The following SARNP variants were observed in gnomAD, a reference collection of about 807,000 sequenced individuals.
SARNP encodes the protein SAP domain containing ribonucleoprotein.
SARNP carries 5 observed loss-of-function variants against 38.1 expected under a neutral mutation model. The observed-to-expected ratio is 0.13, with a 90% confidence interval of 0.07 to 0.28. The LOEUF (loss-of-function observed/expected upper bound fraction) is 0.28. Ranked by LOEUF, SARNP falls within the 10% of genes least tolerant of loss-of-function variation. SARNP has a pLI of 1.00. For synonymous variants in SARNP, 84 were observed against 80.6 expected, an observed-to-expected ratio of 1.04 and a Z score of -0.23; for missense variants, 180 against 243.9, an observed-to-expected ratio of 0.74 and a Z score of 1.75.
chr12:55,791,311 T>TA (rs1384127873), intron 7 of SARNP, among the ~76,000 whole-genome samples: 1 of 152,208 alleles, frequency 6.6e-6, no homozygotes, highest in African/African-American at 2.4e-5. Context: ...TTTAAATGGA[T>TA]GAACTGTATG....
intron 9 of SARNP, among the ~76,000 whole-genome samples, chr12:55,779,254 A>C (rs1879273272): frequency 6.6e-6 from 1 of 152,186 alleles, no homozygotes; most frequent in South Asian, 2.1e-4. Context: ...CCTAGGATGA[A>C]GGAGGGGGGA....
chr12:55,795,871 A>G (rs770195827), intron 5 of SARNP, among the ~76,000 whole-genome samples, 154 bp downstream of exon 5: 1 of 152,214 alleles, frequency 6.6e-6, no homozygotes, highest in Non-Finnish European at 1.5e-5. Flanking sequence ...AATATTTTCC[A>G]AAGAGTAGCT....
At position 55,801,706 on chromosome 12, in the gene SARNP, C is replaced by A. The variant is rs557138109; in HGVS notation, c.137-806G>T. Among the ~76,000 whole-genome samples, 27 of 152,280 alleles carry A rather than the reference C, an allele frequency of 1.8e-4. 1 individual carries two copies. The highest frequency in any genetic ancestry group is 4.6e-4 in the Admixed American group (7 of 15,288). On this transcript the variant is annotated intron_variant, in intron 2 of 10. Transcript: ENST00000336133. ...AATCACAGCTCCCTGCAGCCTCCCC[C>A]TCCTGGGCTCAAGGGATCCTCCTGC...
At chr12:55,807,448 T>C (rs553151674) in intron 1 of SARNP, among the ~76,000 whole-genome samples, 5 of 152,016 alleles carry the variant, frequency 3.3e-5, no homozygotes, top group Admixed American at 6.6e-5. Flanking sequence ...GGCGGGAGGA[T>C]TGCCTGAATC....
chr12:55,778,859 T>G lies in SARNP; in HGVS notation c.501+10216A>C, dbSNP rs574556430. ...GGTGGCGCACACTTGTAATCCAAGC[T>G]ATTCAGGAGGCTGAGGCAGGAGAAT... On this transcript the variant is annotated intron_variant, in intron 9 of 10. Transcript: ENST00000336133. 7.9e-5 allele frequency among the ~76,000 whole-genome samples: 12 copies of G among 152,222 alleles called. No individual in the cohort carries two copies. In the East Asian group the frequency reaches 1.9e-3, roughly 25 times the overall value.
chr12:55,791,656 C>G (rs1202007980), intron 7 of SARNP, among the ~76,000 whole-genome samples: 1 of 152,002 alleles, frequency 6.6e-6, no homozygotes, highest in African/African-American at 2.4e-5. Flanking sequence ...GATGGCGCCA[C>G]TGTGCTCCAG....
In SARNP at chr12:55,757,529, G is replaced by A. The variant is rs753775862; in HGVS notation, c.616C>T (p.Arg206Cys). ...ACTTTTCATCAGGCAATCCCAAAGC[G>A]CTCTGCTCTTTTCCTCTTCTTTGCC... ...TEAKKRKRAE[R>C]FGIA The change falls in exon 11 of 11, where the codon CGC becomes TGC. Residue 206 changes from arginine to cysteine, a missense_variant. Around this residue, in one of 2 missense-constraint regions of SARNP, gnomAD observed 19 missense variants for 49.8 expected, o/e 0.38. Transcript: ENST00000336133. 8.7e-6 allele frequency: 14 copies of A among 1,609,326 alleles called. No homozygotes were observed. The highest frequency in any genetic ancestry group is 1.1e-5 in the South Asian group (1 of 90,094).
chr12:55,756,969 T>A (rs1372079237), downstream of SARNP: 3 of 152,258 alleles, frequency 2.0e-5, no homozygotes, highest in Admixed American at 2.0e-4. Flanking sequence ...TGTATTTATA[T>A]CCTTTGCAAC....
intron 9 of SARNP, among the ~76,000 whole-genome samples, chr12:55,763,673 G>C (rs1452928380): frequency 6.6e-6 from 1 of 151,934 alleles, no homozygotes; most frequent in Non-Finnish European, 1.5e-5. Context: ...GGCTAGTCTT[G>C]AACTCCTGGG....
chr12:55,771,037 A>C (rs990698423), intron 9 of SARNP, among the ~76,000 whole-genome samples: 1 of 151,498 alleles, frequency 6.6e-6, no homozygotes, highest in Admixed American at 6.6e-5. Flanking sequence ...TCCCGGGTTC[A>C]AGTGATTCTC....
rs1225699338 is a variant in SARNP at position 55,800,596 on chromosome 12, T to C, written c.217A>G (p.Lys73Glu). 1 of 1,612,712 alleles carries C rather than the reference T, an allele frequency of 6.2e-7. No individual in the cohort carries two copies. Among genetic ancestry groups the C allele is most frequent in the East Asian group, 2.2e-5 (1 of 44,860 alleles). The change falls in exon 4 of 11, where the codon AAA becomes GAA. Residue 73 changes from lysine (K) to glutamate (E), a missense_variant. This residue lies in a region of SARNP where 161 missense variants were observed against 194.1 expected (regional missense o/e 0.83). Transcript: ENST00000336133. ...GTTTTTTCAGGGGGTTCTTCCTCTT[T>C]GACAGGGAGCTCAATGGGCTTTGTT... is the stretch of plus-strand genomic sequence containing the variant. ...EETKPIELPVKEEEPPEKTVD... is the reference protein window; with the variant it reads ...EETKPIELPVEEEEPPEKTVD...
At chr12:55,794,303 A>G in intron 7 of SARNP, 56 bp downstream of exon 7, 1 of 1,447,340 alleles carries the variant, frequency 6.9e-7, no homozygotes, top group South Asian at 1.2e-5. Context: ...AACCTGTTAT[A>G]CCAGAAAAGA....
intron 9 of SARNP, among the ~76,000 whole-genome samples, chr12:55,788,690 G>A (rs184425784): frequency 2.1e-4 from 32 of 152,184 alleles, no homozygotes; most frequent in African/African-American, 6.5e-4. Flanking sequence ...TTTTAGCTAC[G>A]AGAAAGGCTG....
chr12:55,752,841 C>A (rs1378728707), downstream of SARNP: 3 of 151,486 alleles, frequency 2.0e-5, no homozygotes, highest in Non-Finnish European at 4.4e-5. Flanking sequence ...GCACTTGAAC[C>A]TGAAAAAAAA....
chr12:55,754,621 G>C (rs1249642632), downstream of SARNP: 3 of 152,204 alleles, frequency 2.0e-5, no homozygotes, highest in African/African-American at 7.2e-5. Context: ...TACCTAGCTA[G>C]AACCTACTCA....
chr12:55,762,855 A>C (rs1878717080), intron 9 of SARNP, among the ~76,000 whole-genome samples: 1 of 152,192 alleles, frequency 6.6e-6, no homozygotes, highest in Non-Finnish European at 1.5e-5. Flanking sequence ...TCTGTGCTCA[A>C]TTTAACTAGT....
chr12:55,798,403 G>A (rs1248385442), intron 4 of SARNP, among the ~76,000 whole-genome samples: 3 of 152,206 alleles, frequency 2.0e-5, no homozygotes, highest in Admixed American at 6.5e-5. Flanking sequence ...GGAGGCTGAA[G>A]CTGGAGGACT....
intron 9 of SARNP, among the ~76,000 whole-genome samples, chr12:55,776,552 T>G (rs1879187749): frequency 6.6e-6 from 1 of 152,232 alleles, no homozygotes; most frequent in African/African-American, 2.4e-5. Flanking sequence ...TTCATTTGTA[T>G]TATTTTTTAT....
At chr12:55,799,387 AC>A (rs1879911438) in intron 4 of SARNP, among the ~76,000 whole-genome samples, 1 of 152,148 alleles carries the variant, frequency 6.6e-6, no homozygotes, top group Non-Finnish European at 1.5e-5. Context: ...GTTTAGGATC[AC>A]CCTTGTGGAA....
Sources: gnomAD v4.1 joint callset for allele counts (sites outside exome capture counted in the v4.1 genomes callset) on GRCh38, gnomAD v4.1.1 for gene constraint, gnomAD v4.1.1 regional missense constraint, MANE v1.5 for transcripts, NCBI Gene and HGNC (gene_info 2026-07-23, HGNC 2026-07-21) for gene names.